PHC2: variants seen among roughly 807,000 people sequenced by gnomAD.
PHC2 encodes the protein polyhomeotic-like protein 2.
In PHC2, 29 loss-of-function variants were observed where a neutral mutation model predicts 87.4. The ratio of observed to expected loss-of-function variants is 0.33; its 90% CI spans 0.25 to 0.45. The LOEUF (loss-of-function observed/expected upper bound fraction) is 0.45, where lower values mean the gene tolerates loss of function less well. Ranked by LOEUF, PHC2 falls within the 20% of genes least tolerant of loss-of-function variation. The pLI is 1.00. For synonymous variants in PHC2, 438 were observed against 461.7 expected, an observed-to-expected ratio of 0.95 and a Z score of 0.66; for missense variants, 857 against 1,136.7, an observed-to-expected ratio of 0.75 and a Z score of 3.54.
chr1:33,331,508 C>A lies in PHC2; in HGVS notation c.1892-46G>T. ...TAGGGTGGAGAATGAGAAATTCCTG[C>A]AGGACTGTGGCCAGCCCCACCACGG... On this transcript the variant is annotated intron_variant, in intron 11 of 14. Coordinates refer to ENST00000683057, the MANE Select transcript of PHC2 (RefSeq NM_001385109.1). The surrounding 1 kb of genome is among the most constrained non-coding windows in gnomAD (Gnocchi z 5.2). 1 of 1,195,088 alleles carries A rather than the reference C, an allele frequency of 8.4e-7. No homozygotes were observed. Among genetic ancestry groups the A allele is most frequent in the Non-Finnish European group, 1.2e-6 (1 of 804,306 alleles). 74.0% of individuals were successfully genotyped at this position (1,195,088 alleles called of 1,614,324 possible). A position where few individuals can be genotyped will look rare whatever the true frequency, so the allele number is the denominator to read the frequency against.
In PHC2 at chr1:33,334,293, C is replaced by T. The variant is rs923193695; in HGVS notation, c.1559-1G>A. ...GCATGAACAATGCCCTGCCCTGTCTCTGCACGAGAGAGAGTAGGAAAACAA... is the reference window on the plus strand; with the variant it reads ...GCATGAACAATGCCCTGCCCTGTCTTTGCACGAGAGAGAGTAGGAAAACAA... On this transcript the variant is annotated splice_acceptor_variant, in intron 9 of 14. Coordinates refer to ENST00000683057, the MANE Select transcript of PHC2 (RefSeq NM_001385109.1). LOFTEE classifies it high-confidence loss of function. The surrounding 1 kb of genome is among the most constrained non-coding windows in gnomAD (Gnocchi z 5.5). 2 of 1,612,610 alleles carry T rather than the reference C, an allele frequency of 1.2e-6. No homozygotes were observed. The highest frequency in any genetic ancestry group is 1.7e-6 in the Non-Finnish European group (2 of 1,179,384).
chr1:33,383,948 C>T (rs11585856), intron 1 of PHC2, among the ~76,000 whole-genome samples: 26,314 of 152,056 alleles, frequency 0.17, 2,806 homozygotes, highest in South Asian at 0.27. Context: ...ATACTTCCAG[C>T]CTCCAGAACG....
intron 9 of PHC2, among the ~76,000 whole-genome samples, chr1:33,338,996 C>T: frequency 6.6e-6 from 1 of 152,184 alleles, no homozygotes; most frequent in East Asian, 1.9e-4. Context: ...TATGTCTCAA[C>T]TTCTAGGCTG....
Position 33,331,320 on chromosome 1 carries a change from G to A in PHC2, c.2006+28C>T, listed in dbSNP as rs202137597. ...GGTGGGACATAAAGTGCAGTCCTGG[G>A]GAAATGGAGGGGGCTGGGGCCACTC... is the stretch of plus-strand genomic sequence containing the variant. On this transcript the variant is annotated intron_variant, in intron 12 of 14. Transcript: ENST00000683057. The surrounding 1 kb of genome is among the most constrained non-coding windows in gnomAD (Gnocchi z 5.2). 174 of 1,248,660 alleles carry A rather than the reference G, an allele frequency of 1.4e-4. No homozygotes were observed. The African/African-American group carries it at 1.7e-3, about 12-fold the overall frequency. 77.3% of individuals were successfully genotyped at this position (1,248,660 alleles called of 1,614,324 possible). A position where few individuals can be genotyped will look rare whatever the true frequency, so the allele number is the denominator to read the frequency against.
intron 7 of PHC2, among the ~76,000 whole-genome samples, chr1:33,356,262 T>TAC (rs1647074532): frequency 1.1e-5 from 1 of 87,010 alleles, no homozygotes; most frequent in African/African-American, 4.3e-5. Flanking sequence ...TATATATATA[T>TAC]ATATATATAT....
At chr1:33,361,544 T>C (rs536939932) in intron 7 of PHC2, among the ~76,000 whole-genome samples, 2 of 152,370 alleles carry the variant, frequency 1.3e-5, no homozygotes. Flanking sequence ...TTTCACCATG[T>C]TGGCCAGGCT....
chr1:33,386,581 C>A (rs1417322811), intron 1 of PHC2, among the ~76,000 whole-genome samples: 1 of 151,992 alleles, frequency 6.6e-6, no homozygotes, highest in African/African-American at 2.4e-5. Context: ...ACCTGTAATC[C>A]CTGCTACCCA....
chr1:33,346,270 C>T (rs1357489029), intron 9 of PHC2: 1 of 985,290 alleles, frequency 1.0e-6, no homozygotes, highest in East Asian at 1.1e-4. Flanking sequence ...GGGCACCTCA[C>T]TCCAGGACAG....
intron 2 of PHC2, among the ~76,000 whole-genome samples, chr1:33,373,770 A>G (rs1648002283): frequency 1.3e-5 from 2 of 152,060 alleles, no homozygotes; most frequent in Non-Finnish European, 2.9e-5. Context: ...ATCCCTGGCC[A>G]CAGGCAGCTC....
chr1:33,341,534 A>T (rs574837595), intron 9 of PHC2, among the ~76,000 whole-genome samples: 1 of 152,224 alleles, frequency 6.6e-6, no homozygotes, highest in Non-Finnish European at 1.5e-5. Context: ...ATCAGGACGC[A>T]CAAGCTGGAT....
intron 1 of PHC2, among the ~76,000 whole-genome samples, chr1:33,418,123 G>A (rs1335938311): frequency 6.6e-6 from 1 of 152,014 alleles, no homozygotes; most frequent in Non-Finnish European, 1.5e-5. Context: ...TAGTGTTAGA[G>A]AAGAAGAAAG....
chr1:33,396,177 C>T (rs1193396980), intron 1 of PHC2, among the ~76,000 whole-genome samples: 3 of 152,220 alleles, frequency 2.0e-5, no homozygotes, highest in Non-Finnish European at 1.5e-5. Context: ...CCCTGCTTCT[C>T]CTCCAGGGTT....
At chr1:33,335,137 A>C (rs1306230699) in intron 9 of PHC2, 1 of 965,778 alleles carries the variant, frequency 1.0e-6, no homozygotes, top group Non-Finnish European at 1.2e-6. Context: ...AAGACCTAAC[A>C]GAGTGCTCCA....
chr1:33,367,575 G>C (rs974874193), intron 6 of PHC2, 147 bp from the exon 7 acceptor site: 9 of 665,250 alleles, frequency 1.4e-5, no homozygotes, highest in African/African-American at 1.1e-4. Flanking sequence ...TTAGGGGCTA[G>C]AAGAGGAACC....
At chr1:33,425,849 G>A (rs1218719742) in intron 1 of PHC2, among the ~76,000 whole-genome samples, 1 of 152,128 alleles carries the variant, frequency 6.6e-6, no homozygotes, top group African/African-American at 2.4e-5. Flanking sequence ...TTCTTCTCAC[G>A]TTTTCTTAGG....
intron 9 of PHC2, among the ~76,000 whole-genome samples, chr1:33,339,218 T>C (rs1646697561): frequency 6.6e-6 from 1 of 152,198 alleles, no homozygotes. Context: ...GTCCAAAATA[T>C]GACAGGTGCT....
At chr1:33,339,742 A>T (rs1182603663) in intron 9 of PHC2, among the ~76,000 whole-genome samples, 1 of 152,230 alleles carries the variant, frequency 6.6e-6, no homozygotes, top group African/African-American at 2.4e-5. Context: ...ACTGGAATAC[A>T]GCTTAGTACA....
At chr1:33,429,198 C>A (rs1650802769) in intron 1 of PHC2, among the ~76,000 whole-genome samples, 1 of 152,142 alleles carries the variant, frequency 6.6e-6, no homozygotes, top group African/African-American at 2.4e-5. Context: ...CATGATGGAC[C>A]CTTACTTGGG....
At position 33,330,153 on chromosome 1, in the gene PHC2, T is replaced by G; in HGVS notation, c.2066A>C (p.Gln689Pro). ...GLFHSDRSKL[Q>P]KAGAATHNRR... ...GTTGTGGGTCGCAGCTCCTGCCTTCTGCAGCTTGCTCCGGTCTGAGTGGAA... is the reference window on the plus strand; with the variant it reads ...GTTGTGGGTCGCAGCTCCTGCCTTCGGCAGCTTGCTCCGGTCTGAGTGGAA... Residue 689 changes from glutamine to proline, a missense_variant, in exon 13 of 15, where the codon CAG becomes CCG. By Grantham distance (76) the Gln-to-Pro change is moderately conservative. Transcript: ENST00000683057. 1 of 1,614,246 alleles carries G rather than the reference T, an allele frequency of 6.2e-7. No individual in the cohort carries two copies. Among genetic ancestry groups the G allele is most frequent in the East Asian group, 2.2e-5 (1 of 44,880 alleles).
Sources: allele counts gnomAD v4.1 joint callset (sites outside exome capture counted in the v4.1 genomes callset), GRCh38; gene constraint gnomAD v4.1.1; non-coding constraint Gnocchi (gnomAD v3.1); transcripts MANE v1.5; gene names NCBI Gene and HGNC (gene_info 2026-07-23, HGNC 2026-07-21).